Variants in CNGB3 observed in about 807,000 individuals in gnomAD.
CNGB3 encodes the protein cyclic nucleotide gated channel subunit beta 3, also known as cyclic nucleotide-gated channel beta-3.
A neutral mutation model predicts 92.8 loss-of-function variants in CNGB3; 86 were observed. The observed-to-expected ratio is 0.93, with a 90% CI of 0.78 to 1.11. CNGB3 has a LOEUF of 1.11. CNGB3 is among the 50% of genes least tolerant of loss of function. The pLI is 0.00. For missense variants in CNGB3, 1,026 were observed against 956.8 expected (o/e 1.07, Z -0.95); for synonymous variants, 333 against 332.7 (o/e 1.00, Z -0.01).
chr8:86,732,338 C>T (rs1238537994), intron 2 of CNGB3, among the ~76,000 whole-genome samples: 1 of 152,096 alleles, frequency 6.6e-6, no homozygotes, highest in Non-Finnish European at 1.5e-5. Context: ...CTGGCAACCT[C>T]AATGGTGGTC....
intron 14 of CNGB3, among the ~76,000 whole-genome samples, chr8:86,609,532 A>C (rs1822479139): frequency 6.6e-6 from 1 of 152,164 alleles, no homozygotes; most frequent in South Asian, 2.1e-4. Flanking sequence ...ATCTCTTCAA[A>C]CACTAGAGCT....
At chr8:86,658,156 T>A (rs1823553207) in intron 6 of CNGB3, 2 of 538,974 alleles carry the variant, frequency 3.7e-6, no homozygotes, top group Non-Finnish European at 6.9e-6. Context: ...TGGCTCCTTC[T>A]GGACTGAGGC....
chr8:86,595,419 C>T (rs1469425562), intron 15 of CNGB3, among the ~76,000 whole-genome samples: 1 of 152,138 alleles, frequency 6.6e-6, no homozygotes, highest in Non-Finnish European at 1.5e-5. Flanking sequence ...AATATTTAAG[C>T]AATGACACTG....
chr8:86,583,245 A>C (rs1821826469), intron 15 of CNGB3, among the ~76,000 whole-genome samples: 1 of 152,178 alleles, frequency 6.6e-6, no homozygotes, highest in East Asian at 1.9e-4. Context: ...CTGTTTAATA[A>C]AGTGGTAATG....
At chr8:86,593,906 C>T (rs1193022786) in intron 15 of CNGB3, 2 of 598,290 alleles carry the variant, frequency 3.3e-6, no homozygotes, top group East Asian at 7.4e-5. Context: ...CTGGTAGTCA[C>T]CGCCTGTGTG....
chr8:86,683,527 A>G (rs1430814106), intron 3 of CNGB3, among the ~76,000 whole-genome samples: 1 of 152,212 alleles, frequency 6.6e-6, no homozygotes, highest in African/African-American at 2.4e-5. Flanking sequence ...GTCTGACTGT[A>G]CATTGAAACA....
chr8:86,658,439 C>T, intron 6 of CNGB3: 1 of 421,540 alleles, frequency 2.4e-6, no homozygotes, highest in East Asian at 5.8e-5. Flanking sequence ...CCAGGTGCTC[C>T]TGGGTCTCCT....
rs190150518 is a variant in CNGB3 at position 86,675,299 on chromosome 8, C to T, written c.339-4201G>A. 3.3e-5 allele frequency among the ~76,000 whole-genome samples: 5 copies of T among 152,228 alleles called. No homozygotes were observed. In the East Asian group the frequency reaches 9.6e-4, roughly 29 times the overall value. On this transcript the variant is annotated intron_variant, in intron 3 of 17. Coordinates refer to ENST00000320005, the MANE Select transcript of CNGB3 (RefSeq NM_019098.5). Reference sequence around the variant, plus strand: ...GGTTGCTCAAGCTGGTCTCAAACTCCTGGGCTCAAGCAATCTTCCTGCCTT... The same window carrying T: ...GGTTGCTCAAGCTGGTCTCAAACTCTTGGGCTCAAGCAATCTTCCTGCCTT...
chr8:86,636,546 C>T (rs143797172), intron 10 of CNGB3, among the ~76,000 whole-genome samples: 311 of 113,206 alleles, frequency 2.7e-3, no homozygotes, highest in African/African-American at 0.01. Context: ...GCACTCTAGC[C>T]GGGGTGACAG....
chr8:86,659,756 C>G, intron 6 of CNGB3: 9 of 372,950 alleles, frequency 2.4e-5, no homozygotes, highest in South Asian at 2.0e-4. Context: ...TGAATTTGAA[C>G]CTGTAACCAC....
intron 17 of CNGB3, among the ~76,000 whole-genome samples, chr8:86,576,372 C>A (rs546935635): frequency 2.0e-5 from 3 of 152,242 alleles, no homozygotes; most frequent in South Asian, 4.2e-4. Context: ...TTGTCTCTGC[C>A]AAGGAATTCT....
intron 3 of CNGB3, among the ~76,000 whole-genome samples, chr8:86,702,383 T>C (rs2919754): frequency 0.2 from 30,982 of 152,156 alleles, 3,351 homozygotes; most frequent in Middle Eastern, 0.37. Flanking sequence ...TTATAGGTAA[T>C]GAACAAACAT....
At chr8:86,689,640 C>A (rs1824265923) in intron 3 of CNGB3, among the ~76,000 whole-genome samples, 1 of 151,412 alleles carries the variant, frequency 6.6e-6, no homozygotes, top group African/African-American at 2.4e-5. Context: ...TATACATGTG[C>A]CATGTTGATG....
chr8:86,667,147 A>G lies in CNGB3; in HGVS notation c.644-14T>C. ...GATAGAGTCGATCTGGAAAAACAGC[A>G]AGTGGTGAAATCCAAATGACATAGA... On this transcript the variant is annotated splice_polypyrimidine_tract_variant and intron_variant, in intron 5 of 17. Coordinates refer to ENST00000320005, the MANE Select transcript of CNGB3 (RefSeq NM_019098.5). 1 of 1,608,846 alleles carries G rather than the reference A, an allele frequency of 6.2e-7. No homozygotes were observed. Among genetic ancestry groups the G allele is most frequent in the Non-Finnish European group, 8.5e-7 (1 of 1,175,716 alleles).
chr8:86,689,200 T>C (rs905851716), intron 3 of CNGB3, among the ~76,000 whole-genome samples: 13 of 152,040 alleles, frequency 8.6e-5, no homozygotes, highest in African/African-American at 2.9e-4. Flanking sequence ...GCCTAACATA[T>C]GGTCTACCCT....
intron 3 of CNGB3, among the ~76,000 whole-genome samples, chr8:86,680,022 G>A (rs1452034668): frequency 6.6e-6 from 1 of 152,178 alleles, no homozygotes; most frequent in Non-Finnish European, 1.5e-5. Context: ...AGAACTGTGA[G>A]AAAATACATT....
chr8:86,583,839 G>T (rs1821839341), intron 15 of CNGB3, among the ~76,000 whole-genome samples: 2 of 139,520 alleles, frequency 1.4e-5, no homozygotes, highest in East Asian at 2.2e-4. Context: ...AGGATCACTT[G>T]ACCCTGGGAG....
At chr8:86,577,746 T>C (rs991712159) in intron 17 of CNGB3, among the ~76,000 whole-genome samples, 1 of 152,180 alleles carries the variant, frequency 6.6e-6, no homozygotes, top group Non-Finnish European at 1.5e-5. Flanking sequence ...ACATATTTTC[T>C]CTGGAAGGCA....
chr8:86,657,815 C>A, intron 6 of CNGB3: 1 of 506,234 alleles, frequency 2.0e-6, no homozygotes, highest in Non-Finnish European at 4.0e-6. Flanking sequence ...TGTATTCCTT[C>A]TGGTGCCACG....
Sources: gnomAD v4.1 joint callset for allele counts (sites outside exome capture counted in the v4.1 genomes callset) on GRCh38, gnomAD v4.1.1 for gene constraint, MANE v1.5 for transcripts, NCBI Gene and HGNC (gene_info 2026-07-23, HGNC 2026-07-21) for gene names.